The following TNFRSF8 variants were observed in gnomAD, a reference collection of about 807,000 sequenced individuals.
The protein encoded by TNFRSF8 is TNF receptor superfamily member 8.
TNFRSF8 carries 26 observed loss-of-function variants against 70.8 expected under a neutral mutation model. The observed-to-expected ratio is 0.37, with a 90% CI of 0.27 to 0.51. TNFRSF8 has a LOEUF of 0.51. Among genes scored for constraint, TNFRSF8 ranks in the 20% least tolerant of loss-of-function variants. The probability of loss-of-function intolerance (pLI) is 0.94; values close to 1 mark genes in which losing one functional copy is unlikely to be tolerated. For synonymous variants in TNFRSF8, 356 were observed against 339.2 expected (o/e 1.05, Z -0.54); for missense variants, 720 against 807.9 (o/e 0.89, Z 1.32).
intron 12 of TNFRSF8, among the ~76,000 whole-genome samples, chr1:12,129,752 C>T (rs1452929549): frequency 6.6e-6 from 1 of 152,158 alleles, no homozygotes; most frequent in Non-Finnish European, 1.5e-5. Flanking sequence ...TTTCCTGGTG[C>T]TGTGTACTTT....
chr1:12,066,337 A>C (rs1477733183), intron 1 of TNFRSF8, among the ~76,000 whole-genome samples: 8 of 150,798 alleles, frequency 5.3e-5, no homozygotes, highest in Non-Finnish European at 7.4e-5. Context: ...TAGGGCTTGA[A>C]TTTCCTTGAG....
At chr1:12,133,257 G>A (rs973601212) in intron 12 of TNFRSF8, among the ~76,000 whole-genome samples, 14 of 151,922 alleles carry the variant, frequency 9.2e-5, no homozygotes, top group South Asian at 4.2e-4. Flanking sequence ...CTGCGATCCC[G>A]TTCACCCACT....
chr1:12,139,081 G>C (rs1642208439), intron 14 of TNFRSF8, among the ~76,000 whole-genome samples: 1 of 142,328 alleles, frequency 7.0e-6, no homozygotes, highest in African/African-American at 2.9e-5. Context: ...TTGGCCTCCT[G>C]TGGGCCTCCC....
intron 14 of TNFRSF8, among the ~76,000 whole-genome samples, chr1:12,140,825 G>A (rs1458373934): frequency 7.3e-5 from 9 of 123,614 alleles, no homozygotes; most frequent in African/African-American, 2.2e-4. Flanking sequence ...GACCCCACCC[G>A]CCTCTCATCT....
At chr1:12,080,433 G>C (rs1641044053) in intron 1 of TNFRSF8, 1 of 526,666 alleles carries the variant, frequency 1.9e-6, no homozygotes, top group South Asian at 1.4e-5. Flanking sequence ...GTGAATACAA[G>C]TGTGTTGTTG....
intron 2 of TNFRSF8, among the ~76,000 whole-genome samples, chr1:12,087,670 G>A (rs1425615711): frequency 6.6e-6 from 1 of 152,178 alleles, no homozygotes; most frequent in Non-Finnish European, 1.5e-5. Flanking sequence ...AGTGTTCTAT[G>A]ACTTTTCATG....
chr1:12,074,076 G>C (rs145762934), intron 1 of TNFRSF8, among the ~76,000 whole-genome samples: 5 of 151,920 alleles, frequency 3.3e-5, no homozygotes, highest in African/African-American at 1.2e-4. Flanking sequence ...TCATGGAGCC[G>C]GCACGGGATT....
At position 12,063,712 on chromosome 1, in the gene TNFRSF8, C is replaced by T. The variant is rs908204041; in HGVS notation, c.63+51C>T. 11 of 1,258,578 alleles carry T rather than the reference C, an allele frequency of 8.7e-6. No homozygotes were observed. The highest frequency in any genetic ancestry group is 1.1e-5 in the Non-Finnish European group (11 of 992,122). The allele number at this position is 1,258,578 out of a possible 1,614,324, so 78.0% of individuals were successfully genotyped here. On this transcript the variant is annotated intron_variant, in intron 1 of 14. Coordinates refer to ENST00000263932, the MANE Select transcript of TNFRSF8 (RefSeq NM_001243.5). The surrounding 1 kb of genome is among the most constrained non-coding windows in gnomAD (Gnocchi z 7.2). ...AGGTGCCGGCGGTCCAGAGCCCGGA[C>T]AGTGTGGGGTGCGTGGGACGCAAGG...
Position 12,077,382 on chromosome 1 carries a change from G to A in TNFRSF8, c.64-7082G>A, listed in dbSNP as rs11569804. On this transcript the variant is annotated intron_variant, in intron 1 of 14. Transcript: ENST00000263932. Reference sequence around the variant, plus strand: ...TAGAGAGAGATGATAGAGGCAAAGAGAGAGATGTGATGTGAGAAGGACTCA... The same window carrying A: ...TAGAGAGAGATGATAGAGGCAAAGAAAGAGATGTGATGTGAGAAGGACTCA... Among the ~76,000 whole-genome samples, 674 of 152,282 alleles carry A rather than the reference G, an allele frequency of 4.4e-3. 9 individuals carry two copies. Among genetic ancestry groups the A allele is most frequent in the African/African-American group, 0.015 (637 of 41,548 alleles).
chr1:12,063,309 C>T lies in TNFRSF8; in HGVS notation c.-290C>T, dbSNP rs894461967. On this transcript the variant is annotated 5_prime_UTR_variant, in exon 1 of 15. Coordinates refer to ENST00000263932, the MANE Select transcript of TNFRSF8 (RefSeq NM_001243.5). The surrounding 1 kb of genome is among the most constrained non-coding windows in gnomAD (Gnocchi z 7.2). ...TCTCCTAGTGTGCCTTTTCCTGAGTCATCTCTGCACGTGTTTGCCCCCTTT... is the reference window on the plus strand; with the variant it reads ...TCTCCTAGTGTGCCTTTTCCTGAGTTATCTCTGCACGTGTTTGCCCCCTTT... 8.7e-5 allele frequency: 30 copies of T among 344,574 alleles called. No individual in the cohort carries two copies. Among genetic ancestry groups the T allele is most frequent in the African/African-American group, 5.7e-4 (27 of 47,256 alleles). The allele number at this position is 344,574 out of a possible 1,614,324, so 21.3% of individuals were successfully genotyped here. A position where few individuals can be genotyped will look rare whatever the true frequency, so the allele number is the denominator to read the frequency against.
At chr1:12,068,891 A>C (rs962264646) in intron 1 of TNFRSF8, among the ~76,000 whole-genome samples, 1 of 144,336 alleles carries the variant, frequency 6.9e-6, no homozygotes, top group African/African-American at 2.6e-5. Context: ...TTTTTTTTTG[A>C]GATGGAGTCT....
intron 2 of TNFRSF8, among the ~76,000 whole-genome samples, chr1:12,094,368 G>C (rs942431158): frequency 6.6e-6 from 1 of 152,156 alleles, no homozygotes; most frequent in South Asian, 2.1e-4. Context: ...TTGTGCAAAG[G>C]CCCTGGGGTG....
chr1:12,087,165 CTTTTTT>C (rs71230982), intron 2 of TNFRSF8, among the ~76,000 whole-genome samples: 2,596 of 83,942 alleles, frequency 0.031, 112 homozygotes, highest in African/African-American at 0.11. Flanking sequence ...CTCTCTCTCT[CTTTTTT>C]TTTTTTTTTT....
intron 8 of TNFRSF8, among the ~76,000 whole-genome samples, chr1:12,118,999 G>A (rs1195987056): frequency 5.9e-5 from 9 of 152,112 alleles, no homozygotes; most frequent in Non-Finnish European, 1.3e-4. Context: ...TGAGTAGCTG[G>A]GATTACAGGC....
At chr1:12,096,490 T>C (rs1451064629) in intron 2 of TNFRSF8, among the ~76,000 whole-genome samples, 3 of 151,886 alleles carry the variant, frequency 2.0e-5, no homozygotes, top group Non-Finnish European at 4.4e-5. Context: ...GTTTATGAGT[T>C]TGCGTTGGGC....
intron 1 of TNFRSF8, among the ~76,000 whole-genome samples, chr1:12,064,838 T>C (rs956224704): frequency 1.6e-4 from 25 of 152,228 alleles, no homozygotes; most frequent in Admixed American, 8.5e-4. Flanking sequence ...CTGCAAGCCC[T>C]CACCTGGGGG....
intron 4 of TNFRSF8, 122 bp downstream of exon 4, chr1:12,104,653 T>C (rs1405843961): frequency 1.6e-6 from 2 of 1,256,144 alleles, no homozygotes; most frequent in African/African-American, 2.9e-5. Flanking sequence ...GGACAGATCA[T>C]GTCTCCTTTG....
In TNFRSF8 at chr1:12,063,619, G is replaced by A; in HGVS notation, c.21G>A (p.Ala7=). Reference sequence around the variant, plus strand: ...CGGGGATGCGCGTCCTCCTCGCCGCGCTGGGACTGCTGTTCCTGGGGGCGC... The same window carrying A: ...CGGGGATGCGCGTCCTCCTCGCCGCACTGGGACTGCTGTTCCTGGGGGCGC... The part of the protein sequence containing the change: MRVLLA[A]LGLLFLGALR... The change falls in exon 1 of 15, where the codon GCG becomes GCA. Residue 7 remains alanine (A), a synonymous_variant. Coordinates refer to ENST00000263932, the MANE Select transcript of TNFRSF8 (RefSeq NM_001243.5). The surrounding 1 kb of genome is among the most constrained non-coding windows in gnomAD (Gnocchi z 7.2). 3 of 1,299,144 alleles carry A rather than the reference G, an allele frequency of 2.3e-6. No individual in the cohort carries two copies. Among genetic ancestry groups the A allele is most frequent in the Non-Finnish European group, 2.0e-6 (2 of 1,014,678 alleles). 80.5% of individuals were successfully genotyped at this position (1,299,144 alleles called of 1,614,324 possible). A position where few individuals can be genotyped will look rare whatever the true frequency, so the allele number is the denominator to read the frequency against.
intron 6 of TNFRSF8, among the ~76,000 whole-genome samples, chr1:12,111,243 G>A (rs1183691719): frequency 8.6e-5 from 13 of 152,002 alleles, no homozygotes; most frequent in Admixed American, 2.6e-4. Context: ...GTGCAGTGGC[G>A]TGATCTCGGC....
Sources: gnomAD v4.1 joint callset for allele counts (sites outside exome capture counted in the v4.1 genomes callset) on GRCh38, gnomAD v4.1.1 for gene constraint, Gnocchi (gnomAD v3.1) non-coding constraint, MANE v1.5 for transcripts, NCBI Gene and HGNC (gene_info 2026-07-23, HGNC 2026-07-21) for gene names.